Variants in HECTD2 observed in about 807,000 individuals in gnomAD.
HECTD2 encodes HECT domain E3 ubiquitin protein ligase 2, also known as probable E3 ubiquitin-protein ligase HECTD2.
In HECTD2, 35 loss-of-function variants were observed where a neutral mutation model predicts 103.2. That is an observed-to-expected ratio of 0.34 (90% confidence interval 0.26 to 0.45). The LOEUF is 0.45. Ranked by LOEUF, HECTD2 falls within the 20% of genes least tolerant of loss-of-function variation. The pLI is 1.00. For synonymous variants in HECTD2, 281 were observed against 329.9 expected (o/e 0.85, Z 1.61); for missense variants, 596 against 937.4 (o/e 0.64, Z 4.76).
At chr10:91,418,907 T>G (rs539043312) in intron 1 of HECTD2, among the ~76,000 whole-genome samples, 2 of 152,188 alleles carry the variant, frequency 1.3e-5, no homozygotes, top group African/African-American at 4.8e-5. Context: ...TTGCTCAGTA[T>G]CTCAGGAAGC....
At chr10:91,468,227 G>A (rs1260944522) in intron 5 of HECTD2, among the ~76,000 whole-genome samples, 1 of 152,124 alleles carries the variant, frequency 6.6e-6, no homozygotes, top group Non-Finnish European at 1.5e-5. Flanking sequence ...TGAGGGGCCA[G>A]AGAACAAAGC....
intron 1 of HECTD2, 93 bp from the exon 2 acceptor site, chr10:91,425,188 A>C: frequency 9.3e-7 from 1 of 1,071,484 alleles, no homozygotes; most frequent in Non-Finnish European, 1.3e-6. Context: ...TCGTCATCAA[A>C]TTAAAATCTC....
chr10:91,501,042 T>C (rs528991543), intron 19 of HECTD2, 149 bp from the exon 20 acceptor site: 1 of 618,400 alleles, frequency 1.6e-6, no homozygotes, highest in South Asian at 2.1e-5. Flanking sequence ...CTAATACGTA[T>C]ATAGAAGCTC....
At chr10:91,497,985 C>T in intron 15 of HECTD2, 123 bp from the exon 16 acceptor site, 1 of 639,498 alleles carries the variant, frequency 1.6e-6, no homozygotes, top group Admixed American at 2.5e-5. Flanking sequence ...CCATTTTGTG[C>T]CCTGGAAAAT....
At chr10:91,449,326 C>G (rs1197074693) in intron 2 of HECTD2, among the ~76,000 whole-genome samples, 6 of 152,062 alleles carry the variant, frequency 3.9e-5, no homozygotes, top group Admixed American at 3.9e-4. Flanking sequence ...GTATAAAAGG[C>G]CTCGATAAAA....
At chr10:91,410,127 T>C (rs1196021276), upstream of HECTD2, among the ~76,000 whole-genome samples, 3 of 151,326 alleles carry the variant, frequency 2.0e-5, no homozygotes, top group Admixed American at 1.3e-4. Context: ...CTCCGGGCCC[T>C]CGGGGTTGAC....
At chr10:91,467,226 C>A (rs1369845979) in intron 5 of HECTD2, among the ~76,000 whole-genome samples, 3 of 152,182 alleles carry the variant, frequency 2.0e-5, no homozygotes, top group Non-Finnish European at 4.4e-5. Context: ...GATTCCATGA[C>A]CCCCATGGAC....
At position 91,432,453 on chromosome 10, in the gene HECTD2, G is replaced by A. The variant is rs186589837; in HGVS notation, c.268+7043G>A. ...TTAAAAATAAGTGAGAAGTGTAGGAGTTTTACCTACTGTAACAGCTGCTAG... is the reference window on the plus strand; with the variant it reads ...TTAAAAATAAGTGAGAAGTGTAGGAATTTTACCTACTGTAACAGCTGCTAG... On this transcript the variant is annotated intron_variant, in intron 2 of 20. Transcript: ENST00000298068. 1.3e-3 allele frequency among the ~76,000 whole-genome samples: 194 copies of A among 151,998 alleles called. 3 individuals carry two copies. The highest frequency in any genetic ancestry group is 6.8e-3 in the Middle Eastern group (2 of 294).
intron 2 of HECTD2, among the ~76,000 whole-genome samples, chr10:91,438,557 T>C (rs548106948): frequency 6.6e-6 from 1 of 152,300 alleles, no homozygotes; most frequent in Admixed American, 6.5e-5. Context: ...TGTGTCTTGA[T>C]AGTAGAATGA....
In HECTD2 at chr10:91,428,537, T is replaced by A. The variant is rs570706678; in HGVS notation, c.268+3127T>A. 3.3e-4 allele frequency among the ~76,000 whole-genome samples: 51 copies of A among 152,324 alleles called. No homozygotes were observed. In the South Asian group the frequency reaches 9.9e-3, roughly 30 times the overall value. On this transcript the variant is annotated intron_variant, in intron 2 of 20. Coordinates refer to ENST00000298068, the MANE Select transcript of HECTD2 (RefSeq NM_182765.6). ...TGGAATGTTCTTCCATTTGTTTATA[T>A]CCTCTTTTATTTCATTGAGCAGTGG...
rs550322296 is a variant in HECTD2 at position 91,498,757 on chromosome 10, T to G, written c.1756-115T>G. On this transcript the variant is annotated intron_variant, in intron 16 of 20. Transcript: ENST00000298068. ...TTGCAAGAGCTTAGCCTTTTATAGT[T>G]TATGTGTTTAGAAGGAAGGGGGAAA... 4.9e-4 allele frequency: 308 copies of G among 623,192 alleles called. 5 individuals carry two copies. In the South Asian group the frequency reaches 6.5e-3, roughly 13 times the overall value. 38.6% of individuals were successfully genotyped at this position (623,192 alleles called of 1,614,324 possible).
At chr10:91,506,214 C>T (rs1293673436) in intron 20 of HECTD2, among the ~76,000 whole-genome samples, 81 of 149,814 alleles carry the variant, frequency 5.4e-4, no homozygotes, top group Non-Finnish European at 9.0e-5. Flanking sequence ...ATTAAAAGAA[C>T]TAGAAAAGCA....
chr10:91,479,666 G>A (rs899630966), intron 6 of HECTD2, among the ~76,000 whole-genome samples: 1 of 152,042 alleles, frequency 6.6e-6, no homozygotes, highest in Non-Finnish European at 1.5e-5. Flanking sequence ...TCTTTTCTGA[G>A]CATTTATGTA....
At chr10:91,430,448 T>C (rs910597296) in intron 2 of HECTD2, among the ~76,000 whole-genome samples, 4 of 151,930 alleles carry the variant, frequency 2.6e-5, no homozygotes, top group East Asian at 3.9e-4. Context: ...AACTTTCTGT[T>C]TCGTTGATCT....
intron 1 of HECTD2, among the ~76,000 whole-genome samples, chr10:91,418,988 A>G (rs1843242436): frequency 6.6e-6 from 1 of 152,170 alleles, no homozygotes; most frequent in Non-Finnish European, 1.5e-5. Flanking sequence ...CTAAAGGGTG[A>G]ATTTTATAGA....
intron 2 of HECTD2, among the ~76,000 whole-genome samples, chr10:91,426,216 A>T (rs1843553714): frequency 6.6e-6 from 1 of 152,030 alleles, no homozygotes; most frequent in Non-Finnish European, 1.5e-5. Context: ...TATATTATTA[A>T]TGTTTCTTAT....
intron 2 of HECTD2, among the ~76,000 whole-genome samples, chr10:91,439,648 A>C (rs1290212652): frequency 2.0e-5 from 3 of 152,154 alleles, no homozygotes; most frequent in Non-Finnish European, 4.4e-5. Context: ...TGGGGATAGC[A>C]TTGAATCTAT....
Position 91,410,492 on chromosome 10 carries a change from G to C in HECTD2, c.54G>C (p.Ala18=). The C allele has an allele frequency of 1.4e-6, 2 of 1,467,410 alleles. No individual in the cohort carries two copies. Among genetic ancestry groups the C allele is most frequent in the East Asian group, 3.0e-5 (1 of 33,654 alleles). The allele number at this position is 1,467,410 out of a possible 1,614,324, so 90.9% of individuals were successfully genotyped here. A position where few individuals can be genotyped will look rare whatever the true frequency, so the allele number is the denominator to read the frequency against. Reference sequence around the variant, plus strand: ...CCGCCACTCCGCTGGTGGTGGCGGCGCCCGCGCCTGAGGAGAGGAAAGGGA... The same window carrying C: ...CCGCCACTCCGCTGGTGGTGGCGGCCCCCGCGCCTGAGGAGAGGAAAGGGA... ...PSPATPLVVA[A]PAPEERKGKE... The change falls in exon 1 of 21, where the codon GCG becomes GCC. Residue 18 remains alanine, a synonymous_variant. Transcript: ENST00000298068.
At chr10:91,458,263 TG>T (rs745741988) in intron 2 of HECTD2, among the ~76,000 whole-genome samples, 1 of 152,078 alleles carries the variant, frequency 6.6e-6, no homozygotes, top group South Asian at 2.1e-4. Flanking sequence ...CATACCATGC[TG>T]GTGAAAGAAA....
Sources: gnomAD v4.1 joint callset for allele counts (sites outside exome capture counted in the v4.1 genomes callset) on GRCh38, gnomAD v4.1.1 for gene constraint, MANE v1.5 for transcripts, NCBI Gene and HGNC (gene_info 2026-07-23, HGNC 2026-07-21) for gene names.